The following BCL2L11 variants were observed in gnomAD, a reference collection of about 807,000 sequenced individuals.
BCL2L11 encodes bcl-2-like protein 11.
In BCL2L11, 15 loss-of-function variants were observed where a neutral mutation model predicts 20.6. The ratio of observed to expected loss-of-function variants is 0.73; its 90% CI spans 0.49 to 1.12. BCL2L11 has a LOEUF of 1.12. Among genes scored for constraint, BCL2L11 ranks in the 50% most tolerant of loss-of-function variants. The pLI is 0.00. For missense variants in BCL2L11, 292 were observed against 260.9 expected, an observed-to-expected ratio of 1.12 and a Z score of -0.82; for synonymous variants, 108 against 92.8, an observed-to-expected ratio of 1.16 and a Z score of -0.94.
intron 2 of BCL2L11, among the ~76,000 whole-genome samples, chr2:111,129,921 A>T (rs1467644899): frequency 6.6e-6 from 1 of 152,206 alleles, no homozygotes; most frequent in Non-Finnish European, 1.5e-5. Flanking sequence ...CTTGAAATTA[A>T]TCGGAGATGT....
At chr2:111,157,000 C>G (rs1163672748) in intron 3 of BCL2L11, among the ~76,000 whole-genome samples, 1 of 152,202 alleles carries the variant, frequency 6.6e-6, no homozygotes, top group East Asian at 1.9e-4. Flanking sequence ...GTGTTTGACC[C>G]TACTGCACAT....
chr2:111,127,190 G>A lies in BCL2L11; in HGVS notation c.394+3051G>A, dbSNP rs750268050. 6.8e-4 allele frequency among the ~76,000 whole-genome samples: 103 copies of A among 152,020 alleles called. 1 individual carries two copies. The highest frequency in any genetic ancestry group is 2.1e-4 in the Non-Finnish European group (14 of 68,022). On this transcript the variant is annotated intron_variant, in intron 2 of 3. Transcript: ENST00000393256. ...TTATTTTTATCAAAATCACTCACATGTGTTGGTTTACTGAGTGCCTTTTTG... is the reference window on the plus strand; with the variant it reads ...TTATTTTTATCAAAATCACTCACATATGTTGGTTTACTGAGTGCCTTTTTG...
chr2:111,130,708 T>G (rs1248699960), intron 2 of BCL2L11, among the ~76,000 whole-genome samples: 1 of 152,200 alleles, frequency 6.6e-6, no homozygotes, highest in Non-Finnish European at 1.5e-5. Flanking sequence ...AAGCTTTCTG[T>G]TTTTAATCAT....
At chr2:111,145,004 A>G (rs1451087421) in intron 2 of BCL2L11, among the ~76,000 whole-genome samples, 1 of 152,178 alleles carries the variant, frequency 6.6e-6, no homozygotes, top group African/African-American at 2.4e-5. Context: ...ATCCTCTCTC[A>G]GTTCTGAGTT....
At chr2:111,152,435 A>C (rs554587303) in intron 3 of BCL2L11, among the ~76,000 whole-genome samples, 1 of 152,356 alleles carries the variant, frequency 6.6e-6, no homozygotes, top group African/African-American at 2.4e-5. Context: ...GTTGTGTTAA[A>C]GGATATTATA....
At chr2:111,126,449 C>G (rs1051262383) in intron 2 of BCL2L11, among the ~76,000 whole-genome samples, 2 of 151,958 alleles carry the variant, frequency 1.3e-5, no homozygotes, top group Non-Finnish European at 1.5e-5. Flanking sequence ...TGAGAAGTTA[C>G]GAGGAGTTTG....
chr2:111,124,622 T>A (rs904898124), intron 2 of BCL2L11, among the ~76,000 whole-genome samples: 1 of 152,202 alleles, frequency 6.6e-6, no homozygotes, highest in East Asian at 1.9e-4. Context: ...TACTAACTTT[T>A]GTGGCAGTGA....
At chr2:111,156,029 G>A (rs2077801054) in intron 3 of BCL2L11, among the ~76,000 whole-genome samples, 1 of 152,208 alleles carries the variant, frequency 6.6e-6, no homozygotes, top group Non-Finnish European at 1.5e-5. Context: ...TCCTTCTTGA[G>A]AAGTGAAATC....
At chr2:111,136,065 T>C (rs1372226078) in intron 2 of BCL2L11, among the ~76,000 whole-genome samples, 3 of 152,302 alleles carry the variant, frequency 2.0e-5, no homozygotes, top group Non-Finnish European at 4.4e-5. Context: ...CACGCGGTGC[T>C]GTGGGGCTGC....
chr2:111,157,022 G>T (rs1425055942), intron 3 of BCL2L11, among the ~76,000 whole-genome samples: 1 of 152,194 alleles, frequency 6.6e-6, no homozygotes, highest in Non-Finnish European at 1.5e-5. Context: ...CTGTGTCTGG[G>T]TGTAGGCAAA....
At position 111,121,050 on chromosome 2, in the gene BCL2L11, CCTGCGAACCCTGCCACA is replaced by C; in HGVS notation, c.-145_-129del. 1 of 372,638 alleles carries C rather than the reference CCTGCGAACCCTGCCACA, an allele frequency of 2.7e-6. No individual in the cohort carries two copies. 23.1% of individuals were successfully genotyped at this position (372,638 alleles called of 1,614,324 possible). A position where few individuals can be genotyped will look rare whatever the true frequency, so the allele number is the denominator to read the frequency against. On this transcript the variant is annotated 5_prime_UTR_variant, in exon 1 of 4. Coordinates refer to ENST00000393256, the MANE Select transcript of BCL2L11 (RefSeq NM_138621.5). The stretch of plus-strand genomic sequence containing the variant: ...ACCACCACTTGATTCTTGCAGCCAC[CCTGCGAACCCTGCCACA>C]CTGCGATCGCATCATCGCGGTATTC...
chr2:111,123,488 G>GCAC (rs1358867167), intron 1 of BCL2L11: 1 of 985,344 alleles, frequency 1.0e-6, no homozygotes, highest in Non-Finnish European at 1.2e-6. Flanking sequence ...ATGTGTGTGT[G>GCAC]CACCAGTTCC....
chr2:111,122,544 C>A (rs1333644050), intron 1 of BCL2L11: 9 of 928,512 alleles, frequency 9.7e-6, no homozygotes, highest in South Asian at 4.9e-5. Context: ...GGAGCGACCG[C>A]GCGCGGACCA....
chr2:111,130,484 T>C (rs1452641459), intron 2 of BCL2L11, among the ~76,000 whole-genome samples: 1 of 152,252 alleles, frequency 6.6e-6, no homozygotes, highest in African/African-American at 2.4e-5. Context: ...GTTGTGCAGT[T>C]TGCTGAACTC....
chr2:111,152,500 G>A lies in BCL2L11; in HGVS notation c.498+2353G>A, dbSNP rs530132641. 1.3e-5 allele frequency among the ~76,000 whole-genome samples: 2 copies of A among 152,264 alleles called. 1 individual carries two copies. Among genetic ancestry groups the A allele is most frequent in the African/African-American group, 4.8e-5 (2 of 41,468 alleles). On this transcript the variant is annotated intron_variant, in intron 3 of 3. Transcript: ENST00000393256. The stretch of plus-strand genomic sequence containing the variant: ...ATGCATGACTCCACAAGGCTTTCCT[G>A]TGGGCCTGCCCAGATGGACCTGGTG...
chr2:111,124,343 T>C (rs1252607375), intron 2 of BCL2L11, among the ~76,000 whole-genome samples: 1 of 150,724 alleles, frequency 6.6e-6, no homozygotes, highest in Non-Finnish European at 1.5e-5. Flanking sequence ...CAGGCTGGAG[T>C]GCAGTGGTGC....
chr2:111,140,951 A>C (rs1024701703), intron 2 of BCL2L11, among the ~76,000 whole-genome samples: 1 of 152,218 alleles, frequency 6.6e-6, no homozygotes. Context: ...TCGGCAAAGA[A>C]AGCCTGGCAT....
intron 3 of BCL2L11, among the ~76,000 whole-genome samples, chr2:111,160,282 T>A (rs1224339213): frequency 1.3e-5 from 2 of 152,244 alleles, no homozygotes; most frequent in Non-Finnish European, 2.9e-5. Context: ...AGTGGTTTTT[T>A]TCCCTCTCAT....
At chr2:111,159,192 GA>G (rs1394482529) in intron 3 of BCL2L11, among the ~76,000 whole-genome samples, 23 of 152,340 alleles carry the variant, frequency 1.5e-4, no homozygotes. Context: ...GTGCTGGCCT[GA>G]AAGCCCTCGT....
Sources: allele counts gnomAD v4.1 joint callset (sites outside exome capture counted in the v4.1 genomes callset), GRCh38; gene constraint gnomAD v4.1.1; transcripts MANE v1.5; gene names NCBI Gene and HGNC (gene_info 2026-07-23, HGNC 2026-07-21).